MEIOC: variants seen among roughly 807,000 people sequenced by gnomAD.
MEIOC encodes the protein meiosis specific with coiled-coil domain.
Under a neutral mutation model 85.3 loss-of-function variants are expected in MEIOC, and 9 were observed. The ratio of observed to expected loss-of-function variants is 0.11; its 90% CI spans 0.06 to 0.18. The LOEUF is 0.18. MEIOC is among the 10% of genes least tolerant of loss of function. The pLI is 1.00. For synonymous variants in MEIOC, 365 were observed against 393.7 expected, an observed-to-expected ratio of 0.93 and a Z score of 0.86; for missense variants, 898 against 1,129.4, an observed-to-expected ratio of 0.80 and a Z score of 2.94.
At position 44,675,127 on chromosome 17, in the gene MEIOC, A is replaced by G. The variant is rs1044465150; in HGVS notation, c.*931A>G. ...AGTTTAGCTTGCAATTGGTTAGTGT[A>G]TATTTTGTGTAGTTGTGTTCATTAG... On this transcript the variant is annotated 3_prime_UTR_variant, in exon 8 of 8. Coordinates refer to ENST00000409122, the MANE Select transcript of MEIOC (RefSeq NM_001145080.3). 4.1e-6 allele frequency: 4 copies of G among 984,680 alleles called. No individual in the cohort carries two copies. Among genetic ancestry groups the G allele is most frequent in the Non-Finnish European group, 4.8e-6 (4 of 829,434 alleles). 61.0% of individuals were successfully genotyped at this position (984,680 alleles called of 1,614,324 possible).
chr17:44,662,172 A>G, intron 2 of MEIOC, 145 bp from the exon 3 acceptor site: 1 of 675,062 alleles, frequency 1.5e-6, no homozygotes. Flanking sequence ...TCCCTGGTAT[A>G]AAGCAAGCTT....
At chr17:44,663,687 A>T (rs12450629) in intron 3 of MEIOC, among the ~76,000 whole-genome samples, 33,652 of 152,010 alleles carry the variant, frequency 0.22, 4,213 homozygotes, top group African/African-American at 0.35. Context: ...GCCACCCAAT[A>T]ACAGCTGCTA....
chr17:44,657,255 A>G lies in MEIOC; in HGVS notation c.198A>G (p.Thr66=), dbSNP rs532124133. 6.4e-7 allele frequency: 1 copy of G among 1,551,214 alleles called. No individual in the cohort carries two copies. The highest frequency in any genetic ancestry group is 1.4e-5 in the African/African-American group (1 of 73,038). ...CCGCTTCCTTCTACGATTGCTACAC[A>G]TCGCAGGTCCTTTAGTAAACTCTGC... The part of the protein sequence containing the change: ...TGSASFYDCY[T]SQSEDNVDLR... The change falls in exon 2 of 8, where the codon ACA becomes ACG. Residue 66 remains threonine (T), a synonymous_variant. Coordinates refer to ENST00000409122, the MANE Select transcript of MEIOC (RefSeq NM_001145080.3).
rs547945790 is a variant in MEIOC, at chr17:44,667,938, A to G, written c.2027A>G (p.His676Arg). 1 of 1,613,940 alleles carries G rather than the reference A, an allele frequency of 6.2e-7. No individual in the cohort carries two copies. The highest frequency in any genetic ancestry group is 1.7e-5 in the Admixed American group (1 of 60,006). Residue 676 changes from histidine (H) to arginine (R), a missense_variant, in exon 5 of 8, where the codon CAT (histidine) becomes CGT (arginine). Transcript: ENST00000409122. The part of the protein sequence containing the change: ...SNNYMMGDLR[H>R]NQCFQQLGSN... ...AATTATATGATGGGAGATTTAAGGC[A>G]TAATCAGTGTTTTCAACAACTTGGT...
chr17:44,667,051 A>G lies in MEIOC; in HGVS notation c.1140A>G (p.Lys380=), dbSNP rs752597911. 24 of 1,613,708 alleles carry G rather than the reference A, an allele frequency of 1.5e-5. No individual in the cohort carries two copies. The highest frequency in any genetic ancestry group is 1.3e-4 in the East Asian group (6 of 44,888). The change falls in exon 5 of 8, where the codon AAA becomes AAG. Residue 380 remains lysine, a synonymous_variant. Transcript: ENST00000409122. ...TTCAGGTTAAGCCAGCGAATCAGAA[A>G]AAAATGGAGGAGACAATCCCTGATC... The part of the protein sequence containing the change: ...KLFQVKPANQ[K]KMEETIPDQQ...
At position 44,666,958 on chromosome 17, in the gene MEIOC, T is replaced by G; in HGVS notation, c.1047T>G (p.Asp349Glu). 1 of 1,612,268 alleles carries G rather than the reference T, an allele frequency of 6.2e-7. No homozygotes were observed. The highest frequency in any genetic ancestry group is 8.5e-7 in the Non-Finnish European group (1 of 1,179,026). Reference protein sequence around the residue: ...LNKCSNFSVQDSKKLANGTPE... With the variant: ...LNKCSNFSVQESKKLANGTPE... ...AATGTTCAAATTTTAGTGTCCAAGA[T>G]AGCAAAAAATTAGCCAATGGCACAC... The change falls in exon 5 of 8, where the codon GAT becomes GAG. Residue 349 changes from aspartate to glutamate, a missense_variant. Physicochemically the swap from Asp to Glu is conservative, Grantham distance 45 (BLOSUM62 2). Coordinates refer to ENST00000409122, the MANE Select transcript of MEIOC (RefSeq NM_001145080.3).
chr17:44,658,566 G>A (rs1420717069), intron 2 of MEIOC, among the ~76,000 whole-genome samples: 1 of 151,584 alleles, frequency 6.6e-6, no homozygotes, highest in African/African-American at 2.4e-5. Flanking sequence ...GGGCTGAGGC[G>A]GGTGGATCAC....
intron 4 of MEIOC, 60 bp downstream of exon 4, chr17:44,665,548 CCT>C (rs1024707567): frequency 2.4e-5 from 18 of 755,944 alleles, no homozygotes; most frequent in South Asian, 7.7e-5. Context: ...ACTAGTTTAC[CCT>C]GTTTATTAAC....
At chr17:44,668,273 C>A (rs1474371108) in intron 5 of MEIOC, 40 bp downstream of exon 5, 1 of 1,511,912 alleles carries the variant, frequency 6.6e-7, no homozygotes. Flanking sequence ...CAGTATGTTC[C>A]TTTTGCCTGT....
chr17:44,676,889 TGAGTC>T, downstream of MEIOC: 4 of 928,358 alleles, frequency 4.3e-6, no homozygotes, highest in Non-Finnish European at 5.1e-6. Context: ...TATTAGCACC[TGAGTC>T]AAGTGGATAA....
At chr17:44,662,926 C>G (rs1214506156) in intron 3 of MEIOC, among the ~76,000 whole-genome samples, 1 of 152,166 alleles carries the variant, frequency 6.6e-6, no homozygotes, top group African/African-American at 2.4e-5. Context: ...CTTGGCCTCC[C>G]AAAGTGCTGG....
chr17:44,674,074 A>G lies in MEIOC; in HGVS notation c.2737A>G (p.Thr913Ala). 1 of 1,551,648 alleles carries G rather than the reference A, an allele frequency of 6.4e-7. No homozygotes were observed. The highest frequency in any genetic ancestry group is 8.7e-7 in the Non-Finnish European group (1 of 1,147,010). Residue 913 changes from threonine (T) to alanine (A), a missense_variant, in exon 8 of 8, where the codon ACA (threonine) becomes GCA (alanine). This residue lies in a region of MEIOC where 164 missense variants were observed against 269.2 expected (regional missense o/e 0.61). Coordinates refer to ENST00000409122, the MANE Select transcript of MEIOC (RefSeq NM_001145080.3). Reference sequence around the variant, plus strand: ...TGCACTGCAGATGACCTTGCCAAAAACAGCCAGTACAGCTGATGTGGTAAA... The same window carrying G: ...TGCACTGCAGATGACCTTGCCAAAAGCAGCCAGTACAGCTGATGTGGTAAA... The part of the protein sequence containing the change: ...WCALQMTLPK[T>A]ASTADVVKPL...
Position 44,675,336 on chromosome 17 carries a change from A to T in MEIOC, c.*1140A>T, listed in dbSNP as rs1972061540. The T allele has an allele frequency of 2.1e-6, 2 of 969,512 alleles. No individual in the cohort carries two copies. 60.1% of individuals were successfully genotyped at this position (969,512 alleles called of 1,614,324 possible). ...TAGTATCTTTGTATAGAACTTGAGT[A>T]ATTTATTCGTTAATATGAAATGTTG... On this transcript the variant is annotated 3_prime_UTR_variant, in exon 8 of 8. Transcript: ENST00000409122.
intron 3 of MEIOC, among the ~76,000 whole-genome samples, chr17:44,663,528 C>CA (rs563462057): frequency 8.5e-4 from 129 of 152,014 alleles, no homozygotes; most frequent in African/African-American, 2.8e-3. Flanking sequence ...CATAATTCTA[C>CA]AAAAAACAAA....
intron 4 of MEIOC, 21 bp downstream of exon 4, chr17:44,665,509 G>C: frequency 1.6e-6 from 2 of 1,256,596 alleles, no homozygotes; most frequent in Non-Finnish European, 2.1e-6. Context: ...AATCTATATA[G>C]TATATAACAG....
At chr17:44,663,008 A>G (rs1022047912) in intron 3 of MEIOC, among the ~76,000 whole-genome samples, 1 of 152,200 alleles carries the variant, frequency 6.6e-6, no homozygotes, top group East Asian at 1.9e-4. Flanking sequence ...CATTTAGTGC[A>G]TAAATCTTAA....
intron 2 of MEIOC, among the ~76,000 whole-genome samples, chr17:44,661,288 CAAAAAA>C (rs1186351387): frequency 2.0e-4 from 11 of 54,220 alleles, no homozygotes; most frequent in African/African-American, 7.1e-4. Context: ...ACTCTTGTCT[CAAAAAA>C]AAAAAAAAAA....
At chr17:44,671,425 C>CTA (rs1972007874) in intron 6 of MEIOC, among the ~76,000 whole-genome samples, 1 of 151,728 alleles carries the variant, frequency 6.6e-6, no homozygotes, top group African/African-American at 2.4e-5. Flanking sequence ...TGGCATGTGC[C>CTA]TATAGTCCCA....
chr17:44,674,084 C>A lies in MEIOC; in HGVS notation c.2747C>A (p.Thr916Lys). Reference sequence around the variant, plus strand: ...ATGACCTTGCCAAAAACAGCCAGTACAGCTGATGTGGTAAAGCCTTTACAA... The same window carrying A: ...ATGACCTTGCCAAAAACAGCCAGTAAAGCTGATGTGGTAAAGCCTTTACAA... ...LQMTLPKTAS[T>K]ADVVKPLQDT... Residue 916 changes from threonine (T) to lysine (K), a missense_variant, in exon 8 of 8, where the codon ACA (threonine) becomes AAA (lysine). Thr to Lys is a moderately conservative substitution (Grantham distance 78, BLOSUM62 -1). Around this residue, in one of 2 missense-constraint regions of MEIOC, gnomAD observed 164 missense variants for 269.2 expected, o/e 0.61. Transcript: ENST00000409122. 6.4e-7 allele frequency: 1 copy of A among 1,551,702 alleles called. No homozygotes were observed. The highest frequency in any genetic ancestry group is 1.2e-5 in the South Asian group (1 of 84,060).
Sources: allele counts gnomAD v4.1 joint callset (sites outside exome capture counted in the v4.1 genomes callset), GRCh38; gene constraint gnomAD v4.1.1; regional missense constraint gnomAD v4.1.1; transcripts MANE v1.5; gene names NCBI Gene and HGNC (gene_info 2026-07-23, HGNC 2026-07-21).